NPL: variants seen among roughly 807,000 people sequenced by gnomAD.
NPL encodes the protein N-acetylneuraminate pyruvate lyase, also known as N-acetylneuraminate lyase.
Under a neutral mutation model 41.1 loss-of-function variants are expected in NPL, and 32 were observed. The observed-to-expected ratio is 0.78, with a 90% CI of 0.59 to 1.05. NPL has a LOEUF of 1.05. Among genes scored for constraint, NPL ranks in the 50% least tolerant of loss-of-function variants. NPL has a pLI of 0.00. For synonymous variants in NPL, 128 were observed against 134.9 expected (o/e 0.95, Z 0.35); for missense variants, 321 against 378.4 (o/e 0.85, Z 1.26).
chr1:182,819,756 T>C (rs112205809), intron 10 of NPL, among the ~76,000 whole-genome samples: 8,610 of 152,320 alleles, frequency 0.057, 615 homozygotes, highest in African/African-American at 0.17. Flanking sequence ...TGCTATAGAC[T>C]CTGGTGACCA....
chr1:182,807,102 T>C (rs1571437011), intron 5 of NPL, among the ~76,000 whole-genome samples: 1 of 152,202 alleles, frequency 6.6e-6, no homozygotes, highest in Admixed American at 6.5e-5. Context: ...CCTCCCAAAG[T>C]GTTGGGATTA....
intron 10 of NPL, among the ~76,000 whole-genome samples, chr1:182,819,108 T>C (rs1667418091): frequency 6.7e-6 from 1 of 149,918 alleles, no homozygotes; most frequent in African/African-American, 2.5e-5. Context: ...TCACTTGAGG[T>C]CAGGAGTTCA....
chr1:182,790,938 C>T (rs977849590), intron 1 of NPL, among the ~76,000 whole-genome samples: 7 of 152,168 alleles, frequency 4.6e-5, no homozygotes, highest in African/African-American at 1.4e-4. Context: ...CCACCGCGCC[C>T]GGCCAAAGTC....
At chr1:182,796,949 C>T (rs1423717013) in intron 3 of NPL, among the ~76,000 whole-genome samples, 2 of 150,360 alleles carry the variant, frequency 1.3e-5, no homozygotes, top group Non-Finnish European at 2.9e-5. Context: ...GCAGGAGAAT[C>T]GCTTGAACCT....
At position 182,829,274 on chromosome 1, in the gene NPL, C is replaced by G; in HGVS notation, c.*366C>G. 1 of 1,188,938 alleles carries G rather than the reference C, an allele frequency of 8.4e-7. No homozygotes were observed. The highest frequency in any genetic ancestry group is 1.0e-6 in the Non-Finnish European group (1 of 956,382). The allele number at this position is 1,188,938 out of a possible 1,614,324, so 73.6% of individuals were successfully genotyped here. A position where few individuals can be genotyped will look rare whatever the true frequency, so the allele number is the denominator to read the frequency against. On this transcript the variant is annotated 3_prime_UTR_variant, in exon 13 of 13. Transcript: ENST00000367553. The stretch of plus-strand genomic sequence containing the variant: ...TTTAAAGTTGTCTAATTTTAAACCA[C>G]TATAATATGTCTTCATTTTAATAAA...
chr1:182,809,231 C>A (rs1345100039), intron 5 of NPL: 5 of 453,328 alleles, frequency 1.1e-5, no homozygotes, highest in Non-Finnish European at 2.2e-5. Context: ...CCAAAGTAGA[C>A]GGAGTAGCTT....
At chr1:182,818,487 G>A in intron 8 of NPL, 54 bp from the exon 9 acceptor site, 1 of 1,605,032 alleles carries the variant, frequency 6.2e-7, no homozygotes, top group South Asian at 1.1e-5. Flanking sequence ...CACTATATGA[G>A]ATGTTATTTC....
intron 3 of NPL, among the ~76,000 whole-genome samples, chr1:182,800,645 A>T (rs2102534585): frequency 6.6e-6 from 1 of 150,402 alleles, no homozygotes; most frequent in African/African-American, 2.4e-5. Context: ...TGCCTGAGGG[A>T]CCTGGGGGCA....
At chr1:182,824,990 A>C (rs924272753) in intron 11 of NPL, among the ~76,000 whole-genome samples, 2 of 152,200 alleles carry the variant, frequency 1.3e-5, no homozygotes, top group Non-Finnish European at 2.9e-5. Flanking sequence ...AATGGAAGGA[A>C]TTTTGTTATA....
intron 7 of NPL, among the ~76,000 whole-genome samples, chr1:182,815,231 C>T (rs1667290360): frequency 6.6e-6 from 1 of 152,194 alleles, no homozygotes; most frequent in Non-Finnish European, 1.5e-5. Context: ...TGAGACTACA[C>T]ATCCTATTCA....
chr1:182,828,693 T>C lies in NPL; in HGVS notation c.779-31T>C. On this transcript the variant is annotated intron_variant, in intron 12 of 12. Coordinates refer to ENST00000367553, the MANE Select transcript of NPL (RefSeq NM_030769.3). This position sits in a 1 kb window ranked among gnomAD's most constrained non-coding sequence, Gnocchi z 4.0. ...TTTGTGGAGAGATAGACGGTACCAG[T>C]CATGTTTCCTCATTTGTTTTTCCCG... is the stretch of plus-strand genomic sequence containing the variant. 6.2e-7 allele frequency: 1 copy of C among 1,614,062 alleles called. No individual in the cohort carries two copies. Among genetic ancestry groups the C allele is most frequent in the Non-Finnish European group, 8.5e-7 (1 of 1,179,944 alleles).
intron 3 of NPL, 59 bp from the exon 4 acceptor site, chr1:182,803,639 T>C (rs1666918116): frequency 8.7e-7 from 1 of 1,152,986 alleles, no homozygotes; most frequent in Non-Finnish European, 1.3e-6. Flanking sequence ...TACCTGAGCA[T>C]TTGTTGAATA....
At position 182,830,196 on chromosome 1, in the gene NPL, A is replaced by T. The variant is rs1317249242; in HGVS notation, c.*1288A>T. On this transcript the variant is annotated 3_prime_UTR_variant, in exon 13 of 13. Transcript: ENST00000367553. ...CCTCTCTTTAATTAGTCAGCTAGTT[A>T]AAAGTTGTTATATTCATATATCCTC... 2.6e-5 allele frequency: 4 copies of T among 152,282 alleles called. No homozygotes were observed. Among genetic ancestry groups the T allele is most frequent in the African/African-American group, 9.6e-5 (4 of 41,456 alleles). 9.4% of individuals were successfully genotyped at this position (152,282 alleles called of 1,614,324 possible).
chr1:182,801,668 A>G (rs1337982658), intron 3 of NPL, among the ~76,000 whole-genome samples: 2 of 152,088 alleles, frequency 1.3e-5, no homozygotes, highest in Non-Finnish European at 2.9e-5. Flanking sequence ...TGGGCAACAT[A>G]GTGAGGTCTC....
intron 4 of NPL, among the ~76,000 whole-genome samples, chr1:182,805,140 T>C (rs948175218): frequency 1.3e-5 from 2 of 152,066 alleles, no homozygotes; most frequent in South Asian, 2.1e-4. Flanking sequence ...TAAGAAATGA[T>C]TGTAGTAGGC....
chr1:182,800,435 CAAAAAAA>C (rs1053733197), intron 3 of NPL, among the ~76,000 whole-genome samples: 6,444 of 51,560 alleles, frequency 0.12, 253 homozygotes, highest in African/African-American at 0.17. Context: ...GACCCTGTCT[CAAAAAAA>C]AAAAAAAAAA....
At chr1:182,820,100 G>A (rs916848261) in intron 10 of NPL, among the ~76,000 whole-genome samples, 1 of 152,142 alleles carries the variant, frequency 6.6e-6, no homozygotes, top group Non-Finnish European at 1.5e-5. Flanking sequence ...CATGCACATG[G>A]CCAGTCATGG....
intron 3 of NPL, among the ~76,000 whole-genome samples, chr1:182,802,784 G>T (rs1305096355): frequency 1.3e-5 from 2 of 152,178 alleles, no homozygotes; most frequent in African/African-American, 2.4e-5. Flanking sequence ...GATTTTAAGA[G>T]ATCTTAACCT....
At chr1:182,806,390 G>A (rs758890080) in intron 5 of NPL, 158 bp downstream of exon 5, 9 of 1,544,106 alleles carry the variant, frequency 5.8e-6, no homozygotes, top group African/African-American at 1.4e-5. Flanking sequence ...CTGGCTTCTT[G>A]GAGAAGAGCC....
Sources: gnomAD v4.1 joint callset for allele counts (sites outside exome capture counted in the v4.1 genomes callset) on GRCh38, gnomAD v4.1.1 for gene constraint, Gnocchi (gnomAD v3.1) non-coding constraint, MANE v1.5 for transcripts, NCBI Gene and HGNC (gene_info 2026-07-23, HGNC 2026-07-21) for gene names.